Variants in ANLN observed in about 807,000 individuals in gnomAD.
The protein encoded by ANLN is anillin, actin binding protein.
In ANLN, 59 loss-of-function variants were observed where a neutral mutation model predicts 135.1. The ratio of observed to expected loss-of-function variants is 0.44; its 90% CI spans 0.35 to 0.54. The LOEUF (loss-of-function observed/expected upper bound fraction) is 0.54. ANLN is among the 20% of genes least tolerant of loss of function. The probability of loss-of-function intolerance (pLI) is 0.00; values close to 1 mark genes in which losing one functional copy is unlikely to be tolerated. For synonymous variants in ANLN, 406 were observed against 456.4 expected (o/e 0.89, Z 1.41); for missense variants, 1,182 against 1,340.0 (o/e 0.88, Z 1.84).
chr7:36,413,195 A>C (rs943357197), intron 7 of ANLN, among the ~76,000 whole-genome samples: 9 of 152,058 alleles, frequency 5.9e-5, no homozygotes, highest in Non-Finnish European at 1.3e-4. Flanking sequence ...GAAAAAAAAA[A>C]CAACTCTTGC....
intron 3 of ANLN, among the ~76,000 whole-genome samples, chr7:36,401,399 C>T (rs1298700775): frequency 2.0e-5 from 3 of 152,242 alleles, no homozygotes; most frequent in South Asian, 2.1e-4. Context: ...AGTGCAGTGG[C>T]GCAATCTCGG....
At chr7:36,417,435 G>A (rs1184653855) in intron 9 of ANLN, among the ~76,000 whole-genome samples, 1 of 152,114 alleles carries the variant, frequency 6.6e-6, no homozygotes, top group Non-Finnish European at 1.5e-5. Context: ...CCCACGCTCT[G>A]TACTGGTAGA....
At chr7:36,437,377 A>G (rs935770534) in intron 20 of ANLN, among the ~76,000 whole-genome samples, 4 of 152,182 alleles carry the variant, frequency 2.6e-5, no homozygotes, top group South Asian at 2.1e-4. Context: ...TCCTTTTTCT[A>G]TGCTAAAGAA....
At chr7:36,413,307 A>G (rs1364240930) in intron 7 of ANLN, among the ~76,000 whole-genome samples, 4 of 151,982 alleles carry the variant, frequency 2.6e-5, no homozygotes, top group African/African-American at 4.8e-5. Flanking sequence ...TTAGAATTCT[A>G]TCTGCTTAAG....
chr7:36,422,888 A>C, intron 14 of ANLN, 79 bp downstream of exon 14: 1 of 1,340,798 alleles, frequency 7.5e-7, no homozygotes, highest in East Asian at 2.4e-5. Context: ...AGAAACAAGT[A>C]AATCATGCAT....
At position 36,406,327 on chromosome 7, in the gene ANLN, T is replaced by A. The variant is rs1324764772; in HGVS notation, c.634T>A (p.Trp212Arg). The A allele has an allele frequency of 6.2e-7, 1 of 1,614,128 alleles. No individual in the cohort carries two copies. The highest frequency in any genetic ancestry group is 1.3e-5 in the African/African-American group (1 of 74,956). The change falls in exon 4 of 24, where the codon TGG (tryptophan) becomes AGG (arginine). Residue 212 changes from tryptophan (W) to arginine (R), a missense_variant. Around this residue, in one of 3 missense-constraint regions of ANLN, gnomAD observed 1,022 missense variants for 1,134.0 expected, o/e 0.90. Transcript: ENST00000265748. ...CAATCTTGCTGCAACTATTTGCTCCTGGGAAGATGATGTAAATCACTCATT... is the reference window on the plus strand; with the variant it reads ...CAATCTTGCTGCAACTATTTGCTCCAGGGAAGATGATGTAAATCACTCATT... Reference protein sequence around the residue: ...LANLAATICSWEDDVNHSFAK... With the variant: ...LANLAATICSREDDVNHSFAK...
chr7:36,390,314 C>T, intron 1 of ANLN: 1 of 525,932 alleles, frequency 1.9e-6, no homozygotes, highest in South Asian at 2.4e-5. Context: ...TCTTTCAGCC[C>T]CCGTTTTTAC....
At chr7:36,443,720 C>G (rs1562822237) in intron 21 of ANLN, 35 bp from the exon 22 acceptor site, 15 of 1,462,428 alleles carry the variant, frequency 1.0e-5, no homozygotes, top group Non-Finnish European at 1.4e-5. Flanking sequence ...TTTTCCTCAA[C>G]TTTCTAAAGC....
rs898645716 is a variant in ANLN, at chr7:36,424,633, T to C, written c.2652+40T>C. The C allele has an allele frequency of 5.0e-6, 8 of 1,599,418 alleles. 1 individual carries two copies. In the Admixed American group the frequency reaches 1.2e-4, roughly 24 times the overall value. On this transcript the variant is annotated intron_variant, in intron 16 of 23. Transcript: ENST00000265748. ...CCTTCTAAAATAATGAAGAGTATAT[T>C]TTTCTTAACAATATCAGATTATAAA... is the stretch of plus-strand genomic sequence containing the variant.
chr7:36,396,518 T>C, intron 2 of ANLN, 99 bp downstream of exon 2: 1 of 1,222,024 alleles, frequency 8.2e-7, no homozygotes, highest in Non-Finnish European at 1.1e-6. Context: ...ACCAAGCTCT[T>C]TGGGAGACAA....
chr7:36,393,287 G>C lies in ANLN; in HGVS notation c.19-2979G>C, dbSNP rs547011565. ...GATCCGCCTGCCTTGGCCTCCCAAA[G>C]TGCTGGAATTACAAGCATGAGCCAC... On this transcript the variant is annotated intron_variant, in intron 1 of 23. Transcript: ENST00000265748. Among the ~76,000 whole-genome samples, 8 of 152,284 alleles carry C rather than the reference G, an allele frequency of 5.3e-5. No individual in the cohort carries two copies. In the East Asian group the frequency reaches 1.2e-3, roughly 22 times the overall value.
rs1170864781 is a variant in ANLN at position 36,416,746 on chromosome 7, T to G, written c.1523-334T>G. Among the ~76,000 whole-genome samples the G allele has an allele frequency of 2.0e-5, 3 of 151,604 alleles. No homozygotes were observed. The East Asian group carries it at 5.8e-4, about 29-fold the overall frequency. ...AAACAATAACCTGGTAATATTGCTG[T>G]CCCATTTCTCTCTCGGTGGGGGAAA... On this transcript the variant is annotated intron_variant, in intron 8 of 23. Transcript: ENST00000265748.
chr7:36,434,897 G>A (rs1360862726), intron 20 of ANLN, among the ~76,000 whole-genome samples: 1 of 152,104 alleles, frequency 6.6e-6, no homozygotes, highest in Non-Finnish European at 1.5e-5. Context: ...TTTTTGTTGT[G>A]TAAATGGACA....
At chr7:36,395,581 C>CA (rs1206821060) in intron 1 of ANLN, among the ~76,000 whole-genome samples, 2 of 152,054 alleles carry the variant, frequency 1.3e-5, no homozygotes, top group African/African-American at 2.4e-5. Context: ...GGTATTAGGA[C>CA]AAAAAATCTT....
intron 7 of ANLN, among the ~76,000 whole-genome samples, chr7:36,413,418 T>C (rs952324153): frequency 2.0e-5 from 3 of 152,246 alleles, no homozygotes; most frequent in Non-Finnish European, 4.4e-5. Context: ...TTTGACATTG[T>C]CGATCACTCT....
chr7:36,410,571 G>C lies in ANLN; in HGVS notation c.1154G>C (p.Ser385Thr), dbSNP rs144428998. 3.1e-6 allele frequency: 5 copies of C among 1,613,958 alleles called. No individual in the cohort carries two copies. The African/African-American group carries it at 4.0e-5, about 13-fold the overall frequency. ...TTTGGAGAGCGTTGTCAAGAACATA[G>C]CAAAGAAAGTCCAGCTCGTAGCACA... is the stretch of plus-strand genomic sequence containing the variant. Reference protein sequence around the residue: ...ERFGERCQEHSKESPARSTPH... With the variant: ...ERFGERCQEHTKESPARSTPH... Residue 385 changes from serine (S) to threonine (T), a missense_variant, in exon 6 of 24, where the codon AGC (serine) becomes ACC (threonine). Coordinates refer to ENST00000265748, the MANE Select transcript of ANLN (RefSeq NM_018685.5).
At chr7:36,409,314 A>T (rs979347027) in intron 5 of ANLN, among the ~76,000 whole-genome samples, 11 of 152,188 alleles carry the variant, frequency 7.2e-5, no homozygotes, top group Non-Finnish European at 1.6e-4. Context: ...GTGATAGGTG[A>T]AGTCCTCAAA....
At chr7:36,422,117 T>A (rs768004523) in intron 13 of ANLN, 125 bp downstream of exon 13, 6 of 1,149,320 alleles carry the variant, frequency 5.2e-6, no homozygotes, top group Non-Finnish European at 7.2e-6. Context: ...GTGGATCTAT[T>A]TTTTGTTCTT....
rs1157580194 is a variant in ANLN, at chr7:36,453,638, A to G, written c.*1038A>G. 4 of 152,532 alleles carry G rather than the reference A, an allele frequency of 2.6e-5. No individual in the cohort carries two copies. Among genetic ancestry groups the G allele is most frequent in the Admixed American group, 1.3e-4 (2 of 15,274 alleles). 9.4% of individuals were successfully genotyped at this position (152,532 alleles called of 1,614,324 possible). A position where few individuals can be genotyped will look rare whatever the true frequency, so the allele number is the denominator to read the frequency against. On this transcript the variant is annotated 3_prime_UTR_variant, in exon 24 of 24. Transcript: ENST00000265748. Reference sequence around the variant, plus strand: ...CTTTGAACTTCTTCTCTGAATTATTAAAGTTCTTTATGACCTCATTTATAA... The same window carrying G: ...CTTTGAACTTCTTCTCTGAATTATTGAAGTTCTTTATGACCTCATTTATAA...
Sources: allele counts gnomAD v4.1 joint callset (sites outside exome capture counted in the v4.1 genomes callset), GRCh38; gene constraint gnomAD v4.1.1; regional missense constraint gnomAD v4.1.1; transcripts MANE v1.5; gene names NCBI Gene and HGNC (gene_info 2026-07-23, HGNC 2026-07-21).